Variants in CHPT1 observed in about 807,000 individuals in gnomAD.
CHPT1 encodes choline phosphotransferase 1, also known as cholinephosphotransferase 1.
A neutral mutation model predicts 47.6 loss-of-function variants in CHPT1; 36 were observed. The observed-to-expected ratio is 0.76, with a 90% CI of 0.58 to 1.00. CHPT1 has a LOEUF of 1.00. Among genes scored for constraint, CHPT1 ranks in the 50% least tolerant of loss-of-function variants. The probability of loss-of-function intolerance (pLI) is 0.00; values close to 1 mark genes in which losing one functional copy is unlikely to be tolerated. For synonymous variants in CHPT1, 194 were observed against 186.3 expected, an observed-to-expected ratio of 1.04 and a Z score of -0.33; for missense variants, 458 against 498.1, an observed-to-expected ratio of 0.92 and a Z score of 0.77.
Position 101,698,113 on chromosome 12 carries a change from C to T in CHPT1, c.252C>T (p.Tyr84=), listed in dbSNP as rs750456634. 6.5e-7 allele frequency: 1 copy of T among 1,541,682 alleles called. No homozygotes were observed. The highest frequency in any genetic ancestry group is 8.7e-7 in the Non-Finnish European group (1 of 1,151,388). Residue 84 remains tyrosine, a synonymous_variant, in exon 1 of 9, where the codon TAC becomes TAT. Coordinates refer to ENST00000229266, the MANE Select transcript of CHPT1 (RefSeq NM_020244.3). ...NVVTTLVLIS[Y]CPTATEEAPY... ...TCACCACGCTCGTGCTCATCTCCTACTGTCCCACGGCCACCGAAGAGGTAG... is the reference window on the plus strand; with the variant it reads ...TCACCACGCTCGTGCTCATCTCCTATTGTCCCACGGCCACCGAAGAGGTAG...
intron 3 of CHPT1, among the ~76,000 whole-genome samples, chr12:101,715,329 T>C (rs551844672): frequency 1.1e-4 from 17 of 152,298 alleles, no homozygotes; most frequent in African/African-American, 4.1e-4. Context: ...TACTGATTCT[T>C]TTTAGCCCCA....
Position 101,714,488 on chromosome 12 carries a change from A to G in CHPT1, c.422-16A>G, listed in dbSNP as rs769520348. The G allele has an allele frequency of 6.3e-7, 1 of 1,585,942 alleles. No individual in the cohort carries two copies. The highest frequency in any genetic ancestry group is 2.2e-5 in the East Asian group (1 of 44,448). On this transcript the variant is annotated splice_polypyrimidine_tract_variant and intron_variant, in intron 2 of 8. Transcript: ENST00000229266. ...ATTTTTAATTCTTAATGATTCTTAA[A>G]CTTTGTTTCTTTCAGTATTTATGGC...
At chr12:101,714,744 A>G (rs1951740902) in intron 3 of CHPT1, 99 bp downstream of exon 3, 1 of 1,242,442 alleles carries the variant, frequency 8.0e-7, no homozygotes, top group African/African-American at 1.5e-5. Context: ...CAAATCTTCA[A>G]TCAGTAACTT....
At chr12:101,715,701 A>G (rs2137017190) in intron 3 of CHPT1, among the ~76,000 whole-genome samples, 1 of 152,300 alleles carries the variant, frequency 6.6e-6, no homozygotes, top group Non-Finnish European at 1.5e-5. Context: ...TAGCATATAG[A>G]TGGTAGTTTT....
At chr12:101,723,648 ATAAT>A (rs1951895250) in intron 6 of CHPT1, 70 bp from the exon 7 acceptor site, 1 of 943,730 alleles carries the variant, frequency 1.1e-6, no homozygotes, top group Non-Finnish European at 1.5e-6. Flanking sequence ...AATTAAAGTT[ATAAT>A]TAATTCTGTC....
At chr12:101,725,746 T>C (rs1951933521) in intron 7 of CHPT1, among the ~76,000 whole-genome samples, 1 of 152,142 alleles carries the variant, frequency 6.6e-6, no homozygotes, top group South Asian at 2.1e-4. Flanking sequence ...GCTATGAGTC[T>C]CCTTTTTCTC....
In CHPT1 at chr12:101,714,589, T is replaced by C; in HGVS notation, c.507T>C (p.Phe169=). Residue 169 remains phenylalanine, a synonymous_variant, in exon 3 of 9, where the codon TTT becomes TTC. Coordinates refer to ENST00000229266, the MANE Select transcript of CHPT1 (RefSeq NM_020244.3). ...TTTTCTGCTCTTTTATTGGGATGTT[T>C]GTGTTTTATTGCGCTCATTGGCAGA... ...WFFFCSFIGM[F]VFYCAHWQTY... The C allele has an allele frequency of 6.2e-7, 1 of 1,612,852 alleles. No homozygotes were observed. The highest frequency in any genetic ancestry group is 1.1e-5 in the South Asian group (1 of 90,898).
At chr12:101,715,852 G>A (rs1452788474) in intron 3 of CHPT1, among the ~76,000 whole-genome samples, 1 of 152,048 alleles carries the variant, frequency 6.6e-6, no homozygotes, top group Non-Finnish European at 1.5e-5. Context: ...GAGAGAACAT[G>A]GAATAGATAA....
chr12:101,719,324 C>G (rs532849045), intron 4 of CHPT1, among the ~76,000 whole-genome samples: 5 of 152,240 alleles, frequency 3.3e-5, no homozygotes, highest in Non-Finnish European at 7.4e-5. Context: ...CTTATTCTTA[C>G]CAACAAGAAT....
At chr12:101,702,111 T>A (rs1298687368) in intron 1 of CHPT1, among the ~76,000 whole-genome samples, 1 of 152,198 alleles carries the variant, frequency 6.6e-6, no homozygotes, top group Non-Finnish European at 1.5e-5. Context: ...ACCTTAGAGA[T>A]TATTTAATGT....
At position 101,720,123 on chromosome 12, in the gene CHPT1, A is replaced by T. The variant is rs772370561; in HGVS notation, c.649A>T (p.Ile217Phe). The change falls in exon 5 of 9, where the codon ATT becomes TTT. Residue 217 changes from isoleucine (I) to phenylalanine (F), a missense_variant and splice_region_variant. Ile to Phe is a conservative substitution (Grantham distance 21). Coordinates refer to ENST00000229266, the MANE Select transcript of CHPT1 (RefSeq NM_020244.3). ...FGGATMWDYT[I>F]PILEIKLKIL... is the part of the protein sequence containing the mutation. The stretch of plus-strand genomic sequence containing the variant: ...TTGTTTCTTTCTTCTACCCCTAAAG[A>T]TTCCTATTCTAGAAATAAAATTGAA... The T allele has an allele frequency of 6.3e-7, 1 of 1,583,778 alleles. No homozygotes were observed. Among genetic ancestry groups the T allele is most frequent in the Non-Finnish European group, 8.6e-7 (1 of 1,167,480 alleles).
At chr12:101,702,961 A>C (rs1951575138) in intron 1 of CHPT1, among the ~76,000 whole-genome samples, 1 of 152,180 alleles carries the variant, frequency 6.6e-6, no homozygotes, top group South Asian at 2.1e-4. Flanking sequence ...GTCCCCGGCC[A>C]TCTAGAAGGA....
intron 1 of CHPT1, among the ~76,000 whole-genome samples, chr12:101,702,879 G>A (rs778210052): frequency 3.3e-5 from 5 of 152,070 alleles, no homozygotes; most frequent in Non-Finnish European, 7.4e-5. Context: ...ATTTAAGGAG[G>A]CCTTTGCAGG....
intron 8 of CHPT1, chr12:101,727,148 C>T (rs932606093): frequency 2.6e-5 from 4 of 152,008 alleles, no homozygotes; most frequent in Non-Finnish European, 5.9e-5. Flanking sequence ...AAAATGAAAA[C>T]AGTAGCTAAG....
chr12:101,701,383 T>C (rs559190719), intron 1 of CHPT1, among the ~76,000 whole-genome samples: 2 of 152,196 alleles, frequency 1.3e-5, no homozygotes, highest in Non-Finnish European at 2.9e-5. Context: ...ATAATGACAA[T>C]AACTAACTTT....
chr12:101,720,958 A>G (rs1013698078), intron 5 of CHPT1, among the ~76,000 whole-genome samples: 4 of 152,176 alleles, frequency 2.6e-5, no homozygotes, highest in African/African-American at 9.7e-5. Context: ...TATTCCAGTG[A>G]TACCATCTTA....
intron 1 of CHPT1, among the ~76,000 whole-genome samples, chr12:101,706,005 C>A (rs553703315): frequency 1.3e-5 from 2 of 151,984 alleles, no homozygotes; most frequent in Non-Finnish European, 2.9e-5. Flanking sequence ...AGCTACCACA[C>A]CCAGCCTGAT....
At chr12:101,726,786 C>A (rs1433031628) in intron 8 of CHPT1, 2 of 244,716 alleles carry the variant, frequency 8.2e-6, no homozygotes, top group Non-Finnish European at 1.6e-5. Context: ...GGATTTTAGC[C>A]ATCTTGAGGG....
intron 5 of CHPT1, among the ~76,000 whole-genome samples, chr12:101,721,651 A>G (rs762709155): frequency 3.3e-5 from 5 of 152,222 alleles, no homozygotes; most frequent in Non-Finnish European, 7.4e-5. Flanking sequence ...ATCTCAGTAT[A>G]GTACTGTGCT....
Sources: allele counts gnomAD v4.1 joint callset (sites outside exome capture counted in the v4.1 genomes callset), GRCh38; gene constraint gnomAD v4.1.1; transcripts MANE v1.5; gene names NCBI Gene and HGNC (gene_info 2026-07-23, HGNC 2026-07-21).